Variants in INPP4B observed in about 807,000 individuals in gnomAD.
The protein encoded by INPP4B is inositol polyphosphate 4-phosphatase type II.
Under a neutral mutation model 122.5 loss-of-function variants are expected in INPP4B, and 55 were observed. The ratio of observed to expected loss-of-function variants is 0.45; its 90% CI spans 0.36 to 0.56. The LOEUF (loss-of-function observed/expected upper bound fraction) is 0.56. INPP4B is among the 20% of genes least tolerant of loss of function. The pLI is 0.00. For synonymous variants in INPP4B, 403 were observed against 388.7 expected, an observed-to-expected ratio of 1.04 and a Z score of -0.43; for missense variants, 1,000 against 1,097.7, an observed-to-expected ratio of 0.91 and a Z score of 1.26.
At chr4:142,145,806 C>G in intron 18 of INPP4B, 34 bp downstream of exon 18, 1 of 1,597,234 alleles carries the variant, frequency 6.3e-7, no homozygotes, top group Non-Finnish European at 8.6e-7. Flanking sequence ...TTTGTTTACT[C>G]AGTAAATGAT....
At chr4:142,211,498 T>C (rs17705389) in intron 12 of INPP4B, among the ~76,000 whole-genome samples, 14,862 of 152,106 alleles carry the variant, frequency 0.098, 816 homozygotes, top group Middle Eastern at 0.14. Context: ...GATCAAGCAA[T>C]GCTAGGACAA....
intron 25 of INPP4B, among the ~76,000 whole-genome samples, chr4:142,078,799 A>C (rs1237333162): frequency 1.3e-5 from 2 of 152,056 alleles, no homozygotes; most frequent in Non-Finnish European, 2.9e-5. Flanking sequence ...TTTATGATGA[A>C]GAAACCTTGG....
At chr4:142,248,290 C>A (rs146939437) in intron 11 of INPP4B, among the ~76,000 whole-genome samples, 1 of 151,622 alleles carries the variant, frequency 6.6e-6, no homozygotes. Context: ...CGTTCCTCCC[C>A]CTCCTTTCCC....
intron 2 of INPP4B, among the ~76,000 whole-genome samples, chr4:142,542,693 G>A (rs1258227599): frequency 2.0e-5 from 3 of 151,922 alleles, no homozygotes; most frequent in Admixed American, 6.6e-5. Flanking sequence ...TTTGACACTT[G>A]TTTTTTTCAA....
At chr4:142,602,860 G>T (rs573034856) in intron 2 of INPP4B, among the ~76,000 whole-genome samples, 1 of 152,142 alleles carries the variant, frequency 6.6e-6, no homozygotes, top group Non-Finnish European at 1.5e-5. Context: ...CCATTACTGG[G>T]TATATACCCA....
chr4:142,598,481 G>A (rs1019711003), intron 2 of INPP4B, among the ~76,000 whole-genome samples: 6 of 152,092 alleles, frequency 3.9e-5, no homozygotes, highest in African/African-American at 1.2e-4. Flanking sequence ...TCCACATCCT[G>A]TAAGTCCCCA....
intron 8 of INPP4B, among the ~76,000 whole-genome samples, chr4:142,311,302 G>T (rs1049822975): frequency 2.0e-5 from 3 of 152,068 alleles, no homozygotes; most frequent in African/African-American, 4.8e-5. Flanking sequence ...ATGCTAAATT[G>T]TTCCTTTTTA....
At chr4:142,058,540 C>T (rs1224281877) in intron 25 of INPP4B, among the ~76,000 whole-genome samples, 1 of 152,094 alleles carries the variant, frequency 6.6e-6, no homozygotes, top group Non-Finnish European at 1.5e-5. Context: ...CACACGCTCT[C>T]CAGTTCAATA....
intron 2 of INPP4B, among the ~76,000 whole-genome samples, chr4:142,657,064 A>C (rs1319601229): frequency 1.3e-5 from 2 of 152,134 alleles, no homozygotes; most frequent in Non-Finnish European, 2.9e-5. Flanking sequence ...AGACATCTGC[A>C]TGTTTTCCTA....
intron 2 of INPP4B, among the ~76,000 whole-genome samples, chr4:142,486,835 A>G (rs1408909239): frequency 1.3e-5 from 2 of 152,164 alleles, no homozygotes; most frequent in Non-Finnish European, 2.9e-5. Flanking sequence ...AAAAATATTT[A>G]TTGCTAAGAA....
intron 3 of INPP4B, among the ~76,000 whole-genome samples, chr4:142,432,781 C>T (rs918829342): frequency 1.3e-5 from 2 of 152,096 alleles, no homozygotes; most frequent in Admixed American, 6.6e-5. Flanking sequence ...TGACCAAAGA[C>T]TCAACCCACA....
intron 2 of INPP4B, among the ~76,000 whole-genome samples, chr4:142,661,574 T>G (rs1374952552): frequency 6.6e-6 from 1 of 152,230 alleles, no homozygotes; most frequent in East Asian, 1.9e-4. Context: ...TTATAATAGT[T>G]AAACACTGTG....
chr4:142,845,173 C>T (rs1784031926), intron 1 of INPP4B, among the ~76,000 whole-genome samples: 1 of 152,142 alleles, frequency 6.6e-6, no homozygotes, highest in Non-Finnish European at 1.5e-5. Context: ...ACAACCTAAT[C>T]AATATGTGCT....
chr4:142,329,953 A>G (rs1009829815), intron 7 of INPP4B, among the ~76,000 whole-genome samples: 22 of 151,218 alleles, frequency 1.5e-4, no homozygotes, highest in Non-Finnish European at 2.9e-4. Flanking sequence ...GCATTCAGAA[A>G]AAGCATTCTA....
chr4:142,040,898 T>C lies in INPP4B; in HGVS notation c.2643-11984A>G, dbSNP rs1357075171. ...ACTTTAATTCCCAGTTAAGAGGACA[T>C]TAACACGTAAAATTACTGTCTAAGC... On this transcript the variant is annotated intron_variant, in intron 25 of 25. Transcript: ENST00000262992. 4.6e-5 allele frequency among the ~76,000 whole-genome samples: 7 copies of C among 152,256 alleles called. No homozygotes were observed. The South Asian group carries it at 8.3e-4, about 18-fold the overall frequency.
chr4:142,629,614 T>C (rs555851189), intron 2 of INPP4B, among the ~76,000 whole-genome samples: 2 of 152,092 alleles, frequency 1.3e-5, no homozygotes, highest in East Asian at 3.9e-4. Context: ...CAACAGAACA[T>C]ATTTCTAGTC....
chr4:142,724,315 C>T (rs1395345686), intron 2 of INPP4B, among the ~76,000 whole-genome samples: 1 of 152,124 alleles, frequency 6.6e-6, no homozygotes, highest in East Asian at 1.9e-4. Context: ...CCTGGAGAGT[C>T]TGTGCTCCCT....
intron 1 of INPP4B, among the ~76,000 whole-genome samples, chr4:142,806,148 G>A (rs1414968314): frequency 4.0e-5 from 6 of 151,190 alleles, no homozygotes; most frequent in Non-Finnish European, 8.9e-5. Context: ...GCATGGTGGC[G>A]GGCGCCTGTA....
chr4:142,436,940 A>T (rs1314227419), intron 3 of INPP4B, among the ~76,000 whole-genome samples: 2 of 152,156 alleles, frequency 1.3e-5, no homozygotes, highest in Non-Finnish European at 2.9e-5. Flanking sequence ...AGTAGGCTTC[A>T]GAAGGTGGGT....
Sources: allele counts gnomAD v4.1 joint callset (sites outside exome capture counted in the v4.1 genomes callset), GRCh38; gene constraint gnomAD v4.1.1; transcripts MANE v1.5; gene names NCBI Gene and HGNC (gene_info 2026-07-23, HGNC 2026-07-21).